The following FIG4 variants were observed in gnomAD, a reference collection of about 807,000 sequenced individuals.
FIG4 encodes the protein FIG4 phosphoinositide 5-phosphatase, also known as polyphosphoinositide phosphatase.
In FIG4, 112 loss-of-function variants were observed where a neutral mutation model predicts 118.6. The observed-to-expected ratio is 0.94, with a 90% CI of 0.81 to 1.11. The LOEUF (loss-of-function observed/expected upper bound fraction) is 1.11. Among genes scored for constraint, FIG4 ranks in the 50% least tolerant of loss-of-function variants. The probability of loss-of-function intolerance (pLI) is 0.00; values close to 1 mark genes in which losing one functional copy is unlikely to be tolerated. For synonymous variants in FIG4, 369 were observed against 381.2 expected (o/e 0.97, Z 0.37); for missense variants, 969 against 1,111.7 (o/e 0.87, Z 1.83).
rs184265307 is a variant in FIG4, at chr6:109,813,580, G to A, written c.2547-11508G>A. ...ATAGAATAGGCATTGATTTGGGTTT[G>A]TTATGATTATCTTCAGCTTATGAAT... On this transcript the variant is annotated intron_variant, in intron 22 of 22. Coordinates refer to ENST00000230124, the MANE Select transcript of FIG4 (RefSeq NM_014845.6). 1.3e-4 allele frequency among the ~76,000 whole-genome samples: 20 copies of A among 152,290 alleles called. No homozygotes were observed. The East Asian group carries it at 3.5e-3, about 26-fold the overall frequency.
intron 10 of FIG4, among the ~76,000 whole-genome samples, chr6:109,750,651 A>G (rs61043343): frequency 6.6e-6 from 1 of 152,180 alleles, no homozygotes; most frequent in African/African-American, 2.4e-5. Flanking sequence ...AAAAGAAAAA[A>G]GAAATGTTAT....
Position 109,743,841 on chromosome 6 carries a change from G to T in FIG4, c.1137+69G>T, listed in dbSNP as rs564897465. On this transcript the variant is annotated intron_variant, in intron 10 of 22. Coordinates refer to ENST00000230124, the MANE Select transcript of FIG4 (RefSeq NM_014845.6). Reference sequence around the variant, plus strand: ...GGGAAGCCTCTTCCTCAACACAGAGGGGGTTAACAAGCCATGCTTTCCCTC... The same window carrying T: ...GGGAAGCCTCTTCCTCAACACAGAGTGGGTTAACAAGCCATGCTTTCCCTC... The T allele has an allele frequency of 4.1e-5, 44 of 1,068,584 alleles. No homozygotes were observed. In the South Asian group the frequency reaches 5.4e-4, roughly 13 times the overall value. The allele number at this position is 1,068,584 out of a possible 1,614,324, so 66.2% of individuals were successfully genotyped here.
intron 16 of FIG4, among the ~76,000 whole-genome samples, chr6:109,782,882 A>G (rs1384915300): frequency 6.6e-6 from 1 of 152,196 alleles, no homozygotes; most frequent in African/African-American, 2.4e-5. Flanking sequence ...TCTCGATCTC[A>G]TATTTGATTC....
At chr6:109,791,240 A>T (rs571633067) in intron 19 of FIG4, 136 bp from the exon 20 acceptor site, 1 of 756,462 alleles carries the variant, frequency 1.3e-6, no homozygotes, top group Non-Finnish European at 2.3e-6. Context: ...CCTGTAGCAC[A>T]ACCTGAATCC....
At chr6:109,817,515 GT>G (rs1186369679) in intron 22 of FIG4, among the ~76,000 whole-genome samples, 6 of 149,584 alleles carry the variant, frequency 4.0e-5, no homozygotes, top group African/African-American at 1.5e-4. Context: ...AAAGCCAAAA[GT>G]TATTTTTAAA....
intron 1 of FIG4, among the ~76,000 whole-genome samples, chr6:109,708,506 A>G (rs1431113530): frequency 2.6e-5 from 4 of 152,228 alleles, no homozygotes; most frequent in Non-Finnish European, 5.9e-5. Context: ...GCTGGGCCGA[A>G]TGATATTTCT....
In FIG4 at chr6:109,743,684, C is replaced by T. The variant is rs1776393502; in HGVS notation, c.1049C>T (p.Ala350Val). 1 of 1,611,582 alleles carries T rather than the reference C, an allele frequency of 6.2e-7. No homozygotes were observed. Among genetic ancestry groups the T allele is most frequent in the South Asian group, 1.1e-5 (1 of 91,058 alleles). ...CTTTTTTCCTTCTCAGTGGATCAGG[C>T]AGATCCATTTGCACATGTGGCTGCC... ...MPKPPITLDQ[A>V]DPFAHVAALH... The change falls in exon 10 of 23, where the codon GCA becomes GTA. Residue 350 changes from alanine (A) to valine (V), a missense_variant. Physicochemically the swap from Ala to Val is moderately conservative, Grantham distance 64 (BLOSUM62 0). Around this residue, in one of 3 missense-constraint regions of FIG4, gnomAD observed 246 missense variants for 354.3 expected, o/e 0.69. Transcript: ENST00000230124.
At chr6:109,773,480 T>C (rs1309930501) in intron 15 of FIG4, among the ~76,000 whole-genome samples, 1 of 152,172 alleles carries the variant, frequency 6.6e-6, no homozygotes, top group African/African-American at 2.4e-5. Flanking sequence ...CATTGATCAA[T>C]TCAGAAAACC....
intron 22 of FIG4, among the ~76,000 whole-genome samples, chr6:109,816,624 A>T (rs1778869706): frequency 6.6e-6 from 1 of 152,236 alleles, no homozygotes; most frequent in Non-Finnish European, 1.5e-5. Flanking sequence ...TGGGATACCC[A>T]GTCCTTGTTG....
intron 3 of FIG4, among the ~76,000 whole-genome samples, chr6:109,717,241 C>T (rs998118804): frequency 1.3e-5 from 2 of 152,152 alleles, no homozygotes; most frequent in Non-Finnish European, 2.9e-5. Context: ...CTGTTGTTTT[C>T]AAGGAAACAG....
rs780934361 is a variant in FIG4 at position 109,816,076 on chromosome 6, C to A, written c.2547-9012C>A. 2.3e-4 allele frequency among the ~76,000 whole-genome samples: 35 copies of A among 152,238 alleles called. 1 individual carries two copies. The highest frequency in any genetic ancestry group is 8.2e-4 in the African/African-American group (34 of 41,548). On this transcript the variant is annotated intron_variant, in intron 22 of 22. Transcript: ENST00000230124. ...GCTAGAGATTCTAATCCAGTACACT[C>A]GGGCCAAAGCCTGGAAATCTGTGCT... is the stretch of plus-strand genomic sequence containing the variant.
chr6:109,756,933 A>G (rs1287050739), intron 10 of FIG4, among the ~76,000 whole-genome samples: 2 of 151,896 alleles, frequency 1.3e-5, no homozygotes, highest in Non-Finnish European at 2.9e-5. Context: ...TCCTTTCTCA[A>G]CTCGTCAAAG....
At chr6:109,703,101 T>G (rs1355279266) in intron 1 of FIG4, among the ~76,000 whole-genome samples, 1 of 151,506 alleles carries the variant, frequency 6.6e-6, no homozygotes, top group East Asian at 1.9e-4. Flanking sequence ...AGAAGTTCAT[T>G]TTTTTTTTAA....
chr6:109,745,487 G>A (rs1562658130), intron 10 of FIG4, among the ~76,000 whole-genome samples: 1 of 151,958 alleles, frequency 6.6e-6, no homozygotes, highest in African/African-American at 2.4e-5. Flanking sequence ...TTTTTGATGG[G>A]GTTGTTTTTT....
rs562807390 is a variant in FIG4, at chr6:109,815,839, G to A, written c.2547-9249G>A. On this transcript the variant is annotated intron_variant, in intron 22 of 22. Coordinates refer to ENST00000230124, the MANE Select transcript of FIG4 (RefSeq NM_014845.6). Reference sequence around the variant, plus strand: ...AATAAAAACAGGGAGCAACCAGAGTGTTCCTAGAGCATGTTTAGATTATGG... The same window carrying A: ...AATAAAAACAGGGAGCAACCAGAGTATTCCTAGAGCATGTTTAGATTATGG... 5.3e-5 allele frequency among the ~76,000 whole-genome samples: 8 copies of A among 151,764 alleles called. No individual in the cohort carries two copies. In the South Asian group the frequency reaches 1.7e-3, roughly 32 times the overall value.
intron 22 of FIG4, among the ~76,000 whole-genome samples, chr6:109,805,123 C>G (rs951908218): frequency 1.3e-5 from 2 of 152,128 alleles, no homozygotes; most frequent in African/African-American, 2.4e-5. Context: ...TGAGCAGAAT[C>G]CCTTGATATT....
rs147963513 is a variant in FIG4, at chr6:109,698,764, A to C, written c.66+7263A>C. On this transcript the variant is annotated intron_variant, in intron 1 of 22. Transcript: ENST00000230124. Reference sequence around the variant, plus strand: ...CACATCTGCACATGACATTTTCTTTATTTGCGTATTATGGCCAATTACATT... The same window carrying C: ...CACATCTGCACATGACATTTTCTTTCTTTGCGTATTATGGCCAATTACATT... Among the ~76,000 whole-genome samples, 302 of 152,208 alleles carry C rather than the reference A, an allele frequency of 2.0e-3. 7 individuals carry two copies. In the East Asian group the frequency reaches 0.048, roughly 24 times the overall value.
chr6:109,739,692 G>T (rs951785524), intron 7 of FIG4, among the ~76,000 whole-genome samples: 1 of 152,124 alleles, frequency 6.6e-6, no homozygotes, highest in African/African-American at 2.4e-5. Flanking sequence ...ACTCAGGCCA[G>T]CCCTGGCCCC....
At position 109,765,147 on chromosome 6, in the gene FIG4, T is replaced by A; in HGVS notation, c.1569T>A (p.Asp523Glu). The change falls in exon 14 of 23, where the codon GAT becomes GAA. Residue 523 changes from aspartate to glutamate, a missense_variant. Asp to Glu is a conservative substitution (Grantham distance 45, BLOSUM62 2). Around this residue, in one of 3 missense-constraint regions of FIG4, gnomAD observed 246 missense variants for 354.3 expected, o/e 0.69. Coordinates refer to ENST00000230124, the MANE Select transcript of FIG4 (RefSeq NM_014845.6). Reference protein sequence around the residue: ...GLIDKPNLQFDTDAVRLFEEL... With the variant: ...GLIDKPNLQFETDAVRLFEEL... ...TTGACAAACCTAATCTACAGTTTGA[T>A]ACAGATGCAGTTAGGTAAGTCTTAT... 1.2e-6 allele frequency: 2 copies of A among 1,614,126 alleles called. No individual in the cohort carries two copies.
Sources: allele counts gnomAD v4.1 joint callset (sites outside exome capture counted in the v4.1 genomes callset), GRCh38; gene constraint gnomAD v4.1.1; regional missense constraint gnomAD v4.1.1; transcripts MANE v1.5; gene names NCBI Gene and HGNC (gene_info 2026-07-23, HGNC 2026-07-21).